The following LARGE1 variants were observed in gnomAD, a reference collection of about 807,000 sequenced individuals.
The protein encoded by LARGE1 is LARGE xylosyl- and glucuronyltransferase 1.
Under a neutral mutation model 87.6 loss-of-function variants are expected in LARGE1, and 43 were observed. That is an observed-to-expected ratio of 0.49 (90% confidence interval 0.38 to 0.63). LARGE1 has a LOEUF of 0.63. Among genes scored for constraint, LARGE1 ranks in the 30% least tolerant of loss-of-function variants. The probability of loss-of-function intolerance (pLI) is 0.00; values close to 1 mark genes in which losing one functional copy is unlikely to be tolerated. For synonymous variants in LARGE1, 434 were observed against 394.6 expected, an observed-to-expected ratio of 1.10 and a Z score of -1.18; for missense variants, 802 against 1,000.2, an observed-to-expected ratio of 0.80 and a Z score of 2.67.
intron 9 of LARGE1, among the ~76,000 whole-genome samples, chr22:33,344,767 G>A (rs1569078218): frequency 6.9e-6 from 1 of 145,256 alleles, no homozygotes; most frequent in Non-Finnish European, 1.5e-5. Flanking sequence ...GCTAAAGAAT[G>A]TCTTGTCCTG....
intron 9 of LARGE1, among the ~76,000 whole-genome samples, chr22:33,348,877 A>C (rs1412245870): frequency 2.0e-5 from 3 of 152,036 alleles, no homozygotes; most frequent in Non-Finnish European, 1.5e-5. Flanking sequence ...GAGGTAATTT[A>C]GTCATCGGGG....
intron 1 of LARGE1, among the ~76,000 whole-genome samples, chr22:33,880,138 C>T (rs2064630199): frequency 6.6e-6 from 1 of 152,198 alleles, no homozygotes; most frequent in Admixed American, 6.5e-5. Flanking sequence ...TGTGTCCACC[C>T]ACGTTAACAT....
intron 2 of LARGE1, among the ~76,000 whole-genome samples, chr22:33,664,469 A>G (rs1467097595): frequency 6.6e-6 from 1 of 152,036 alleles, no homozygotes; most frequent in Admixed American, 6.6e-5. Flanking sequence ...CACCACTATG[A>G]CCCCAGTTCT....
the LARGE1 span, among the ~76,000 whole-genome samples, chr22:33,129,319 T>C: frequency 6.6e-6 from 1 of 152,126 alleles, no homozygotes; most frequent in Non-Finnish European, 1.5e-5. Flanking sequence ...ATCTTAATTG[T>C]AGTTGTGGTT....
intron 6 of LARGE1, among the ~76,000 whole-genome samples, chr22:33,481,220 T>TACACACACACACAC (rs71785834): frequency 1.2e-3 from 170 of 146,698 alleles, no homozygotes; most frequent in African/African-American, 4.2e-3. Context: ...GCACTATAGA[T>TACACACACACACAC]ACACACACAC....
intron 6 of LARGE1, among the ~76,000 whole-genome samples, chr22:33,489,685 T>C (rs1423354133): frequency 6.6e-6 from 1 of 152,176 alleles, no homozygotes; most frequent in Admixed American, 6.5e-5. Flanking sequence ...CATGTGGAAC[T>C]GTGAGTCCAT....
chr22:33,840,725 C>T (rs1018347456), intron 1 of LARGE1, among the ~76,000 whole-genome samples: 2 of 151,892 alleles, frequency 1.3e-5, no homozygotes, highest in Non-Finnish European at 2.9e-5. Context: ...GGCTGGAGCA[C>T]AGTGGCGTGA....
chr22:33,773,433 A>G (rs1431830070), intron 1 of LARGE1, among the ~76,000 whole-genome samples: 6 of 152,238 alleles, frequency 3.9e-5, no homozygotes, highest in Admixed American at 3.9e-4. Context: ...GCTGCAGAGA[A>G]ACATGTACAT....
the LARGE1 span, among the ~76,000 whole-genome samples, chr22:33,100,728 G>A: frequency 1.3e-5 from 2 of 152,272 alleles, no homozygotes; most frequent in South Asian, 4.1e-4. Flanking sequence ...CTGGTGATCC[G>A]ATGCTGCTGG....
At chr22:33,809,647 A>T (rs1029545699) in intron 1 of LARGE1, among the ~76,000 whole-genome samples, 1 of 152,244 alleles carries the variant, frequency 6.6e-6, no homozygotes, top group Non-Finnish European at 1.5e-5. Context: ...GCCACATTTT[A>T]AAAAGAGCTA....
chr22:33,336,070 T>C (rs1337377076), intron 10 of LARGE1, among the ~76,000 whole-genome samples: 1 of 152,244 alleles, frequency 6.6e-6, no homozygotes, highest in African/African-American at 2.4e-5. Flanking sequence ...GGTACTTCTG[T>C]GTCTAATACT....
intron 11 of LARGE1, among the ~76,000 whole-genome samples, chr22:33,265,093 G>C (rs1013328996): frequency 6.6e-6 from 1 of 151,232 alleles, no homozygotes; most frequent in Non-Finnish European, 1.5e-5. Context: ...GTAGAGATGG[G>C]GTGATTTCAC....
intron 1 of LARGE1, among the ~76,000 whole-genome samples, chr22:33,902,644 G>A (rs186537877): frequency 3.3e-4 from 51 of 152,274 alleles, no homozygotes; most frequent in Middle Eastern, 3.4e-3. Context: ...AGTCTGCACT[G>A]CCTAGGTGAA....
intron 2 of LARGE1, among the ~76,000 whole-genome samples, chr22:33,690,106 A>G (rs1471164787): frequency 6.6e-6 from 1 of 152,226 alleles, no homozygotes; most frequent in Non-Finnish European, 1.5e-5. Flanking sequence ...GAAGGGTAAG[A>G]GAGGGTACTC....
intron 1 of LARGE1, among the ~76,000 whole-genome samples, chr22:33,800,728 A>T (rs1446393589): frequency 6.6e-6 from 1 of 152,180 alleles, no homozygotes; most frequent in Non-Finnish European, 1.5e-5. Context: ...CATCAAGTTC[A>T]TTCCTTTTTC....
In LARGE1 at chr22:33,650,390, G is replaced by A; in HGVS notation, c.385C>T (p.Gln129Ter). The A allele has an allele frequency of 6.2e-7, 1 of 1,614,080 alleles. No homozygotes were observed. The highest frequency in any genetic ancestry group is 8.5e-7 in the Non-Finnish European group (1 of 1,180,036). Residue 129 changes from glutamine (Q) to a stop codon, truncating the protein, a stop_gained, in exon 3 of 15, where the codon CAG (glutamine) becomes TAG (stop). Coordinates refer to ENST00000397394, the MANE Select transcript of LARGE1 (RefSeq NM_133642.5). LOFTEE classifies it high-confidence loss of function. ...ACCTCGCATTTCTCCACGACCGGCT[G>A]CTGCCCACACTCGGAGCTGTTGCCT... ...VAGNSSECGQ[Q>*]PVVEKCETIH...
intron 2 of LARGE1, among the ~76,000 whole-genome samples, chr22:33,751,872 A>G (rs1267543020): frequency 2.0e-5 from 3 of 151,738 alleles, no homozygotes. Context: ...GGTTCAAGCG[A>G]TCCTCCTACC....
chr22:33,410,381 A>G (rs1177725926), intron 7 of LARGE1, among the ~76,000 whole-genome samples: 1 of 151,658 alleles, frequency 6.6e-6, no homozygotes, highest in African/African-American at 2.4e-5. Flanking sequence ...CATAATCCCC[A>G]CATGCCTAGG....
intron 6 of LARGE1, among the ~76,000 whole-genome samples, chr22:33,493,653 C>T (rs181155502): frequency 6.6e-6 from 1 of 152,262 alleles, no homozygotes; most frequent in East Asian, 1.9e-4. Context: ...GCAGTATGAT[C>T]ATACCCATTT....
Sources: gnomAD v4.1 joint callset for allele counts (sites outside exome capture counted in the v4.1 genomes callset) on GRCh38, gnomAD v4.1.1 for gene constraint, MANE v1.5 for transcripts, NCBI Gene and HGNC (gene_info 2026-07-23, HGNC 2026-07-21) for gene names.